Variants in HERC6 observed in about 807,000 individuals in gnomAD.
The protein encoded by HERC6 is HECT and RLD domain containing E3 ubiquitin protein ligase family member 6.
A neutral mutation model predicts 114.5 loss-of-function variants in HERC6; 101 were observed. The ratio of observed to expected loss-of-function variants is 0.88; its 90% CI spans 0.75 to 1.04. The LOEUF is 1.04. Among genes scored for constraint, HERC6 ranks in the 50% least tolerant of loss-of-function variants. The pLI is 0.00. For synonymous variants in HERC6, 408 were observed against 436.2 expected, an observed-to-expected ratio of 0.94 and a Z score of 0.81; for missense variants, 1,133 against 1,230.9, an observed-to-expected ratio of 0.92 and a Z score of 1.19.
intron 1 of HERC6, among the ~76,000 whole-genome samples, chr4:88,380,293 A>G (rs1734204198): frequency 1.9e-5 from 1 of 54,008 alleles, no homozygotes; most frequent in South Asian, 6.9e-4. Flanking sequence ...AATATATAAT[A>G]TATAAATATA....
At chr4:88,405,106 AC>A in intron 9 of HERC6, 109 bp downstream of exon 9, 1 of 1,359,980 alleles carries the variant, frequency 7.4e-7, no homozygotes, top group Non-Finnish European at 1.0e-6. Flanking sequence ...TTGCATTTTG[AC>A]CATGATTCTC....
chr4:88,434,385 C>T (rs1738533836), intron 17 of HERC6, among the ~76,000 whole-genome samples: 1 of 152,184 alleles, frequency 6.6e-6, no homozygotes, highest in African/African-American at 2.4e-5. Flanking sequence ...CTTTAGGGCA[C>T]TATACAAACT....
intron 16 of HERC6, 112 bp downstream of exon 16, chr4:88,428,862 C>G: frequency 1.1e-6 from 1 of 894,150 alleles, no homozygotes; most frequent in Non-Finnish European, 1.6e-6. Flanking sequence ...GGTTATCAAT[C>G]TTTTGGTTTC....
intron 12 of HERC6, among the ~76,000 whole-genome samples, chr4:88,413,681 C>T (rs1166271926): frequency 2.0e-5 from 3 of 152,170 alleles, no homozygotes; most frequent in African/African-American, 4.8e-5. Flanking sequence ...TTACTTTATT[C>T]AGTACTGTAT....
chr4:88,427,853 G>A (rs189543862), intron 15 of HERC6, among the ~76,000 whole-genome samples: 2 of 152,150 alleles, frequency 1.3e-5, no homozygotes, highest in Admixed American at 1.3e-4. Flanking sequence ...AGTGCTGAAG[G>A]TCAAAGCAAG....
At chr4:88,408,479 C>T in intron 10 of HERC6, 45 bp from the exon 11 acceptor site, 1 of 1,204,840 alleles carries the variant, frequency 8.3e-7, no homozygotes, top group East Asian at 2.5e-5. Context: ...AGAAATATCC[C>T]TTTCCTTATG....
In HERC6 at chr4:88,383,400, C is replaced by T. The variant is rs1422067428; in HGVS notation, c.359+20C>T. 3.4e-6 allele frequency: 5 copies of T among 1,465,818 alleles called. No individual in the cohort carries two copies. The highest frequency in any genetic ancestry group is 1.4e-5 in the African/African-American group (1 of 69,894). 90.8% of individuals were successfully genotyped at this position (1,465,818 alleles called of 1,614,324 possible). A position where few individuals can be genotyped will look rare whatever the true frequency, so the allele number is the denominator to read the frequency against. On this transcript the variant is annotated intron_variant, in intron 2 of 22. Transcript: ENST00000264346. ...ACCTAAGTAAGTGTTTCAACCCACTCCTTCATTTATTCAATATATATAGTA... is the reference window on the plus strand; with the variant it reads ...ACCTAAGTAAGTGTTTCAACCCACTTCTTCATTTATTCAATATATATAGTA...
chr4:88,417,947 T>TA (rs5860133), intron 13 of HERC6, among the ~76,000 whole-genome samples: 99 of 144,060 alleles, frequency 6.9e-4, no homozygotes, highest in Middle Eastern at 7.3e-3. Context: ...CCACATTTCT[T>TA]AAAAAAAAAA....
intron 15 of HERC6, among the ~76,000 whole-genome samples, chr4:88,427,260 C>T (rs1188278534): frequency 2.0e-5 from 3 of 152,066 alleles, no homozygotes; most frequent in African/African-American, 4.8e-5. Flanking sequence ...TACAGAGAAC[C>T]GGAGTAGAGA....
At chr4:88,422,122 C>A (rs1042569640) in intron 13 of HERC6, among the ~76,000 whole-genome samples, 3 of 151,990 alleles carry the variant, frequency 2.0e-5, no homozygotes, top group Non-Finnish European at 2.9e-5. Flanking sequence ...TCTACTTTTT[C>A]CTCTTAAAAG....
chr4:88,404,092 A>G (rs778823787), intron 8 of HERC6, among the ~76,000 whole-genome samples: 3 of 152,028 alleles, frequency 2.0e-5, no homozygotes, highest in Non-Finnish European at 2.9e-5. Flanking sequence ...GATACTTCAT[A>G]TAAGTGGAAT....
At chr4:88,438,884 A>C (rs1739034800) in intron 20 of HERC6, among the ~76,000 whole-genome samples, 1 of 152,202 alleles carries the variant, frequency 6.6e-6, no homozygotes, top group Admixed American at 6.5e-5. Context: ...GTTGATTTAG[A>C]TAGGCTAGTC....
chr4:88,407,326 C>T (rs1446544939), intron 10 of HERC6, among the ~76,000 whole-genome samples: 1 of 152,186 alleles, frequency 6.6e-6, no homozygotes, highest in Non-Finnish European at 1.5e-5. Context: ...AGTGATCCGC[C>T]CACCTCAGCC....
intron 12 of HERC6, 44 bp from the exon 13 acceptor site, chr4:88,417,381 T>A (rs1227486080): frequency 9.0e-6 from 14 of 1,562,270 alleles, no homozygotes; most frequent in Non-Finnish European, 1.1e-5. Flanking sequence ...ATTTGGGGGG[T>A]GGTAGGAAAA....
intron 3 of HERC6, among the ~76,000 whole-genome samples, chr4:88,389,503 T>C (rs908766464): frequency 6.6e-6 from 1 of 152,044 alleles, no homozygotes; most frequent in African/African-American, 2.4e-5. Context: ...GGATTCTGGA[T>C]AGATTTTGAG....
intron 2 of HERC6, among the ~76,000 whole-genome samples, chr4:88,384,690 T>G (rs1187825077): frequency 6.6e-6 from 1 of 152,194 alleles, no homozygotes; most frequent in African/African-American, 2.4e-5. Flanking sequence ...CATAACTATT[T>G]GACCTCTTTG....
Position 88,396,120 on chromosome 4 carries a change from G to A in HERC6, c.865G>A (p.Val289Ile), listed in dbSNP as rs779240433. 2 of 1,601,352 alleles carry A rather than the reference G, an allele frequency of 1.2e-6. No individual in the cohort carries two copies. Among genetic ancestry groups the A allele is most frequent in the East Asian group, 2.3e-5 (1 of 44,002 alleles). The change falls in exon 6 of 23, where the codon GTT (valine) becomes ATT (isoleucine). Residue 289 changes from valine (V) to isoleucine (I), a missense_variant. By Grantham distance (29) the Val-to-Ile change is conservative. This residue lies in a region of HERC6 where 735 missense variants were observed against 754.0 expected (regional missense o/e 0.97). Transcript: ENST00000264346. ...PQLVERIDGL[V>I]SQIDCGSYHT... ...ACTTGTGGAAAGAATTGATGGCCTA[G>A]TTTCGCAGATAGATTGTGGAAGGTA...
In HERC6 at chr4:88,391,433, G is replaced by A. The variant is rs181428321; in HGVS notation, c.664+554G>A. Among the ~76,000 whole-genome samples, 3 of 152,254 alleles carry A rather than the reference G, an allele frequency of 2.0e-5. No individual in the cohort carries two copies. In the East Asian group the frequency reaches 5.8e-4, roughly 29 times the overall value. ...AACAACTTTAGTTCCATCGGTTTCCGTAACTTCACTCTGCCATGTAACTTA... is the reference window on the plus strand; with the variant it reads ...AACAACTTTAGTTCCATCGGTTTCCATAACTTCACTCTGCCATGTAACTTA... On this transcript the variant is annotated intron_variant, in intron 4 of 22. Transcript: ENST00000264346.
At chr4:88,390,265 G>A (rs1560535687) in intron 3 of HERC6, among the ~76,000 whole-genome samples, 1 of 151,860 alleles carries the variant, frequency 6.6e-6, no homozygotes, top group East Asian at 1.9e-4. Flanking sequence ...GGGTTGGGGG[G>A]AAATCAGAAG....
Sources: gnomAD v4.1 joint callset for allele counts (sites outside exome capture counted in the v4.1 genomes callset) on GRCh38, gnomAD v4.1.1 for gene constraint, gnomAD v4.1.1 regional missense constraint, MANE v1.5 for transcripts, NCBI Gene and HGNC (gene_info 2026-07-23, HGNC 2026-07-21) for gene names.